NR3C2: variants seen among roughly 807,000 people sequenced by gnomAD.
NR3C2 encodes mineralocorticoid receptor.
Under a neutral mutation model 86.4 loss-of-function variants are expected in NR3C2, and 15 were observed. The ratio of observed to expected loss-of-function variants is 0.17; its 90% CI spans 0.12 to 0.27. NR3C2 has a LOEUF of 0.27. NR3C2 is among the 10% of genes least tolerant of loss of function. The pLI, the probability that NR3C2 is intolerant of heterozygous loss-of-function variation, is 1.00. For missense variants in NR3C2, 960 were observed against 1,195.6 expected (o/e 0.80, Z 2.91); for synonymous variants, 458 against 450.5 (o/e 1.02, Z -0.21).
chr4:148,114,813 C>T (rs546009434), intron 7 of NR3C2, among the ~76,000 whole-genome samples: 2 of 152,294 alleles, frequency 1.3e-5, no homozygotes, highest in South Asian at 4.1e-4. Context: ...TCAACATCCT[C>T]ATTCTCAAGT....
rs28698266 is a variant in NR3C2, at chr4:148,406,144, C to G, written c.1757+28960G>C. ...TCACACCACTGTACTCCAGTCTGGG[C>G]AAGAGAGGGAGACTGTCTCAAAACA... On this transcript the variant is annotated intron_variant, in intron 2 of 8. Coordinates refer to ENST00000358102, the MANE Select transcript of NR3C2 (RefSeq NM_000901.5). Among the ~76,000 whole-genome samples the G allele has an allele frequency of 6.2e-3, 947 of 151,872 alleles. 9 individuals are homozygous for G. Among genetic ancestry groups the G allele is most frequent in the African/African-American group, 0.022 (919 of 41,414 alleles).
intron 1 of NR3C2, among the ~76,000 whole-genome samples, chr4:148,438,200 G>A (rs567648100): frequency 6.6e-6 from 1 of 152,234 alleles, no homozygotes; most frequent in South Asian, 2.1e-4. Context: ...GGTCAATAAT[G>A]CATTGCTAAG....
chr4:148,437,821 A>G (rs541158194), intron 1 of NR3C2, among the ~76,000 whole-genome samples: 2 of 152,288 alleles, frequency 1.3e-5, no homozygotes, highest in East Asian at 3.9e-4. Flanking sequence ...GGCAGTGATA[A>G]ACAAAAGAGA....
At chr4:148,269,432 T>G (rs1462304300) in intron 2 of NR3C2, among the ~76,000 whole-genome samples, 2 of 152,172 alleles carry the variant, frequency 1.3e-5, no homozygotes, top group Non-Finnish European at 2.9e-5. Flanking sequence ...AAAAAATCAC[T>G]CCACATCTTT....
intron 8 of NR3C2, among the ~76,000 whole-genome samples, chr4:148,091,246 C>T (rs893991063): frequency 4.6e-5 from 7 of 152,206 alleles, no homozygotes; most frequent in East Asian, 1.9e-4. Context: ...AGTCACTGGG[C>T]GAGGAGAACA....
chr4:148,427,354 C>G (rs192469511), intron 2 of NR3C2, among the ~76,000 whole-genome samples: 39 of 152,182 alleles, frequency 2.6e-4, no homozygotes, highest in African/African-American at 9.2e-4. Context: ...ATCAACTCCT[C>G]CCCTTCCTCT....
chr4:148,336,056 C>T (rs1354278111), intron 2 of NR3C2, among the ~76,000 whole-genome samples: 1 of 152,154 alleles, frequency 6.6e-6, no homozygotes, highest in Non-Finnish European at 1.5e-5. Flanking sequence ...CATGCTATTT[C>T]CCTCTCTTGC....
intron 5 of NR3C2, among the ~76,000 whole-genome samples, 185 bp from the exon 6 acceptor site, chr4:148,152,798 A>C (rs1734163939): frequency 6.6e-6 from 1 of 152,086 alleles, no homozygotes; most frequent in Admixed American, 6.5e-5. Flanking sequence ...TCCACATTTC[A>C]CTTTAAATTC....
At chr4:148,394,245 G>T (rs2126504283) in intron 2 of NR3C2, among the ~76,000 whole-genome samples, 1 of 152,122 alleles carries the variant, frequency 6.6e-6, no homozygotes, top group Non-Finnish European at 1.5e-5. Context: ...GTCCAGCCAA[G>T]CCCACCCAAA....
intron 2 of NR3C2, among the ~76,000 whole-genome samples, chr4:148,276,026 C>T (rs1038312185): frequency 6.6e-6 from 1 of 152,008 alleles, no homozygotes; most frequent in African/African-American, 2.4e-5. Flanking sequence ...AAATATTATT[C>T]ATAAGCCCCC....
chr4:148,148,076 G>A (rs997906467), intron 6 of NR3C2, among the ~76,000 whole-genome samples: 4 of 79,850 alleles, frequency 5.0e-5, no homozygotes, highest in Non-Finnish European at 9.8e-5. Flanking sequence ...TATATAATAC[G>A]TCTTCTTGGA....
chr4:148,299,717 T>C (rs547710089), intron 2 of NR3C2, among the ~76,000 whole-genome samples: 7 of 152,242 alleles, frequency 4.6e-5, no homozygotes, highest in Non-Finnish European at 4.4e-5. Flanking sequence ...AATAAGAGGT[T>C]CTTCCCCATG....
At chr4:148,433,360 AAT>A (rs907642788) in intron 2 of NR3C2, among the ~76,000 whole-genome samples, 9 of 152,224 alleles carry the variant, frequency 5.9e-5, no homozygotes, top group Admixed American at 4.6e-4. Context: ...TCATTTTTAA[AAT>A]ATGAGTTTAA....
chr4:148,329,952 C>A lies in NR3C2; in HGVS notation c.1758-69835G>T, dbSNP rs550931573. Among the ~76,000 whole-genome samples the A allele has an allele frequency of 8.5e-5, 13 of 152,338 alleles. No individual in the cohort carries two copies. In the East Asian group the frequency reaches 1.7e-3, roughly 20 times the overall value. On this transcript the variant is annotated intron_variant, in intron 2 of 8. Coordinates refer to ENST00000358102, the MANE Select transcript of NR3C2 (RefSeq NM_000901.5). ...TCTAATCACTTGAGCAGTTCCATGT[C>A]TGGCCAATGATCCCCTGGTATCTAT... is the stretch of plus-strand genomic sequence containing the variant.
At chr4:148,086,842 G>A (rs898711579) in intron 8 of NR3C2, among the ~76,000 whole-genome samples, 2 of 152,140 alleles carry the variant, frequency 1.3e-5, no homozygotes, top group East Asian at 3.8e-4. Context: ...GACAACAACT[G>A]GAAGCATTCC....
intron 8 of NR3C2, among the ~76,000 whole-genome samples, chr4:148,107,703 G>A (rs760862445): frequency 2.0e-4 from 30 of 152,190 alleles, no homozygotes; most frequent in Non-Finnish European, 3.4e-4. Context: ...GCAGGGACAT[G>A]GATGAAGCTG....
At position 148,352,616 on chromosome 4, in the gene NR3C2, C is replaced by T. The variant is rs575769650; in HGVS notation, c.1757+82488G>A. Among the ~76,000 whole-genome samples, 13 of 152,174 alleles carry T rather than the reference C, an allele frequency of 8.5e-5. No homozygotes were observed. The South Asian group carries it at 2.5e-3, about 29-fold the overall frequency. On this transcript the variant is annotated intron_variant, in intron 2 of 8. Coordinates refer to ENST00000358102, the MANE Select transcript of NR3C2 (RefSeq NM_000901.5). The stretch of plus-strand genomic sequence containing the variant: ...AGATGAGACATCATGTACATTTGGT[C>T]GCTGATCTCTATTTATCTTATTCCT...
At chr4:148,231,181 A>C (rs1299643897) in intron 3 of NR3C2, among the ~76,000 whole-genome samples, 2 of 152,216 alleles carry the variant, frequency 1.3e-5, no homozygotes, top group Non-Finnish European at 2.9e-5. Context: ...TCATTTTCTT[A>C]GAGGGATAAA....
chr4:148,232,224 T>G (rs1738502674), intron 3 of NR3C2, among the ~76,000 whole-genome samples: 1 of 152,216 alleles, frequency 6.6e-6, no homozygotes, highest in African/African-American at 2.4e-5. Context: ...ATCAGAGGAA[T>G]CACTATGCAC....
Sources: allele counts gnomAD v4.1 joint callset (sites outside exome capture counted in the v4.1 genomes callset), GRCh38; gene constraint gnomAD v4.1.1; transcripts MANE v1.5; gene names NCBI Gene and HGNC (gene_info 2026-07-23, HGNC 2026-07-21).